AP2A2: variants seen among roughly 807,000 people sequenced by gnomAD.
AP2A2 encodes the protein adaptor related protein complex 2 subunit alpha 2.
In AP2A2, 32 loss-of-function variants were observed where a neutral mutation model predicts 104.2. The observed-to-expected ratio is 0.31, with a 90% CI of 0.23 to 0.41. The LOEUF (loss-of-function observed/expected upper bound fraction) is 0.41. Ranked by LOEUF, AP2A2 falls within the 10% of genes least tolerant of loss-of-function variation. AP2A2 has a pLI of 1.00. For missense variants in AP2A2, 912 were observed against 1,261.0 expected (o/e 0.72, Z 4.19); for synonymous variants, 539 against 533.3 (o/e 1.01, Z -0.15).
chr11:951,696 C>G (rs1854059733), intron 1 of AP2A2, among the ~76,000 whole-genome samples: 1 of 152,144 alleles, frequency 6.6e-6, no homozygotes, highest in Admixed American at 6.6e-5. Flanking sequence ...AAGTTGATAG[C>G]CCAGGGTCAC....
chr11:953,339 G>A (rs563509485), intron 1 of AP2A2, among the ~76,000 whole-genome samples: 2 of 152,078 alleles, frequency 1.3e-5, no homozygotes, highest in South Asian at 4.1e-4. Context: ...TAATTTTTGT[G>A]TTTTTACTAG....
chr11:974,852 G>T (rs1854966800), intron 4 of AP2A2, among the ~76,000 whole-genome samples: 1 of 151,834 alleles, frequency 6.6e-6, no homozygotes, highest in African/African-American at 2.4e-5. Flanking sequence ...GGGCATGGTG[G>T]CGCCCTCCTG....
chr11:941,615 TCTCA>T (rs1387141132), intron 1 of AP2A2, among the ~76,000 whole-genome samples: 2 of 150,370 alleles, frequency 1.3e-5, no homozygotes, highest in Admixed American at 6.6e-5. Context: ...TGAGATGGAG[TCTCA>T]CTCTGTTGCC....
intron 1 of AP2A2, among the ~76,000 whole-genome samples, chr11:936,473 A>G (rs1309255016): frequency 2.0e-5 from 3 of 152,024 alleles, no homozygotes; most frequent in Admixed American, 2.0e-4. Flanking sequence ...AGCTTACTTC[A>G]GCCTTGACTT....
intron 1 of AP2A2, among the ~76,000 whole-genome samples, chr11:958,938 A>G (rs1448520992): frequency 2.0e-5 from 3 of 152,232 alleles, no homozygotes; most frequent in Non-Finnish European, 4.4e-5. Flanking sequence ...CTGTTTTGCG[A>G]CTGCAGTTGA....
At chr11:950,258 T>C (rs1304287425) in intron 1 of AP2A2, among the ~76,000 whole-genome samples, 1 of 150,626 alleles carries the variant, frequency 6.6e-6, no homozygotes, top group East Asian at 1.9e-4. Context: ...GAGCTAAAAC[T>C]ATGAGACTCC....
At chr11:1,008,255 C>T (rs563337214) in intron 18 of AP2A2, 120 bp downstream of exon 18, 20 of 1,361,906 alleles carry the variant, frequency 1.5e-5, no homozygotes, top group East Asian at 1.0e-4. Context: ...CGGGTGCTCA[C>T]GGTGCATGGA....
chr11:953,548 C>A (rs1003685306), intron 1 of AP2A2, among the ~76,000 whole-genome samples: 2 of 111,288 alleles, frequency 1.8e-5, no homozygotes, highest in South Asian at 2.5e-4. Flanking sequence ...CGTAAGAGCC[C>A]CCCCCCCCCA....
chr11:949,285 A>G (rs188825949), intron 1 of AP2A2, among the ~76,000 whole-genome samples: 1 of 151,974 alleles, frequency 6.6e-6, no homozygotes, highest in East Asian at 1.9e-4. Flanking sequence ...CAAGAAAAGA[A>G]TTAATACCAG....
chr11:938,412 A>G (rs956436196), intron 1 of AP2A2, among the ~76,000 whole-genome samples: 2 of 151,870 alleles, frequency 1.3e-5, no homozygotes, highest in Non-Finnish European at 2.9e-5. Context: ...GTTCTAGAAC[A>G]TTTATGAGGT....
intron 16 of AP2A2, 107 bp from the exon 17 acceptor site, chr11:1,006,421 G>C (rs1294547758): frequency 1.2e-6 from 1 of 816,082 alleles, no homozygotes; most frequent in Non-Finnish European, 2.0e-6. Context: ...TCACAACAGT[G>C]AACTTAAATT....
chr11:987,186 T>C (rs1855490482), intron 9 of AP2A2, among the ~76,000 whole-genome samples: 1 of 151,996 alleles, frequency 6.6e-6, no homozygotes, highest in African/African-American at 2.4e-5. Context: ...AGCAGAGGAG[T>C]CTCTGGCAGC....
At position 974,219 on chromosome 11, in the gene AP2A2, C is replaced by T. The variant is rs577128521; in HGVS notation, c.473+1964C>T. Among the ~76,000 whole-genome samples, 357 of 151,230 alleles carry T rather than the reference C, an allele frequency of 2.4e-3. 2 individuals are homozygous for T. The highest frequency in any genetic ancestry group is 7.9e-3 in the African/African-American group (325 of 41,178). ...GCCCGTGTTCTGGTGCCTGAGTGGT[C>T]CCATGAAGGGAGTGGGTGGCCCGTG... On this transcript the variant is annotated intron_variant, in intron 4 of 21. Transcript: ENST00000448903.
At chr11:952,154 G>A (rs1344950687) in intron 1 of AP2A2, among the ~76,000 whole-genome samples, 1 of 152,240 alleles carries the variant, frequency 6.6e-6, no homozygotes, top group Non-Finnish European at 1.5e-5. Context: ...ATAGGCGTGA[G>A]CCACTGCCCA....
At chr11:1,000,293 T>A in intron 14 of AP2A2, 139 bp from the exon 15 acceptor site, 1 of 758,122 alleles carries the variant, frequency 1.3e-6, no homozygotes, top group Non-Finnish European at 2.2e-6. Context: ...CTCACTGAGT[T>A]GTGTGCCACC....
chr11:967,757 A>G (rs1306061270), intron 2 of AP2A2, among the ~76,000 whole-genome samples: 1 of 152,184 alleles, frequency 6.6e-6, no homozygotes, highest in Non-Finnish European at 1.5e-5. Flanking sequence ...TGCATCTTTC[A>G]GACTGGAGCC....
chr11:933,602 G>C (rs963337640), intron 1 of AP2A2: 1 of 456,142 alleles, frequency 2.2e-6, no homozygotes, highest in African/African-American at 2.0e-5. Flanking sequence ...TAGCATGTGA[G>C]TAGGAAGCAG....
chr11:1,008,437 C>A (rs992079862), intron 18 of AP2A2: 35 of 343,042 alleles, frequency 1.0e-4, no homozygotes, highest in Non-Finnish European at 1.7e-4. Context: ...GGCCCCCGCG[C>A]CACCTGCCCG....
At chr11:1,000,348 G>A (rs1855989613) in intron 14 of AP2A2, 84 bp from the exon 15 acceptor site, 1 of 1,388,662 alleles carries the variant, frequency 7.2e-7, no homozygotes, top group South Asian at 1.3e-5. Context: ...GGGTGCCATG[G>A]GGGAGGACGT....
Sources: allele counts gnomAD v4.1 joint callset (sites outside exome capture counted in the v4.1 genomes callset), GRCh38; gene constraint gnomAD v4.1.1; transcripts MANE v1.5; gene names NCBI Gene and HGNC (gene_info 2026-07-23, HGNC 2026-07-21).